Variants in NR2C2 observed in about 807,000 individuals in gnomAD.
NR2C2 encodes Nuclear hormone receptor TR4.
A neutral mutation model predicts 62.9 loss-of-function variants in NR2C2; 6 were observed. The observed-to-expected ratio is 0.10, with a 90% CI of 0.05 to 0.19. The LOEUF is 0.19. NR2C2 is among the 10% of genes least tolerant of loss of function. NR2C2 has a pLI of 1.00. For synonymous variants in NR2C2, 272 were observed against 273.8 expected, an observed-to-expected ratio of 0.99 and a Z score of 0.07; for missense variants, 479 against 762.7, an observed-to-expected ratio of 0.63 and a Z score of 4.38.
Position 15,043,106 on chromosome 3 carries a change from T to C in NR2C2, c.*98T>C. The C allele has an allele frequency of 8.6e-7, 1 of 1,160,882 alleles. No homozygotes were observed. The highest frequency in any genetic ancestry group is 2.1e-4 in the Middle Eastern group (1 of 4,770). 71.9% of individuals were successfully genotyped at this position (1,160,882 alleles called of 1,614,324 possible). A position where few individuals can be genotyped will look rare whatever the true frequency, so the allele number is the denominator to read the frequency against. On this transcript the variant is annotated 3_prime_UTR_variant, in exon 14 of 14. Coordinates refer to ENST00000425241, the MANE Select transcript of NR2C2 (RefSeq NM_001291694.2). ...ATTTTGGTATGTGCAAATATTTCCA[T>C]ATGTTAGCCATTTCCTGTCTGGTTT...
chr3:14,996,024 T>G (rs2040823819), intron 1 of NR2C2, among the ~76,000 whole-genome samples: 1 of 152,264 alleles, frequency 6.6e-6, no homozygotes. Context: ...GGTTTTTGTC[T>G]TCTTTTCATT....
intron 13 of NR2C2, among the ~76,000 whole-genome samples, chr3:15,041,694 A>C (rs1440195017): frequency 6.6e-6 from 1 of 152,060 alleles, no homozygotes; most frequent in East Asian, 1.9e-4. Context: ...TCTCTATGAC[A>C]AAAAAATGAA....
At chr3:15,040,054 C>T (rs1042096782) in intron 13 of NR2C2, among the ~76,000 whole-genome samples, 1 of 151,890 alleles carries the variant, frequency 6.6e-6, no homozygotes. Flanking sequence ...ACTGGGGAGG[C>T]TGAGGCAGGA....
At chr3:15,030,494 G>A (rs752513765) in intron 9 of NR2C2, 42 bp downstream of exon 9, 22 of 1,525,556 alleles carry the variant, frequency 1.4e-5, no homozygotes, top group Middle Eastern at 1.8e-4. Flanking sequence ...AACCTGCTGG[G>A]GGATAGGTTC....
At chr3:14,953,232 A>G (rs2039421833) in intron 1 of NR2C2, among the ~76,000 whole-genome samples, 1 of 152,216 alleles carries the variant, frequency 6.6e-6, no homozygotes, top group African/African-American at 2.4e-5. Flanking sequence ...AAGAGGCCTG[A>G]AGTCCTTTAA....
At chr3:15,011,616 T>C (rs540506519) in intron 2 of NR2C2, among the ~76,000 whole-genome samples, 7 of 152,348 alleles carry the variant, frequency 4.6e-5, no homozygotes, top group South Asian at 2.1e-4. Context: ...TTTCTTCCTT[T>C]CATTCCCTCC....
intron 1 of NR2C2, among the ~76,000 whole-genome samples, chr3:14,972,158 T>C (rs1310359132): frequency 6.6e-6 from 1 of 151,106 alleles, no homozygotes; most frequent in Non-Finnish European, 1.5e-5. Context: ...TCTCTCTTTT[T>C]TTTTTCTTTT....
At chr3:14,998,638 A>G (rs189915812) in intron 1 of NR2C2, among the ~76,000 whole-genome samples, 13 of 152,302 alleles carry the variant, frequency 8.5e-5, no homozygotes, top group African/African-American at 2.9e-4. Flanking sequence ...TTGTAATGAT[A>G]TATGATTTGC....
chr3:15,042,163 C>T (rs1198528264), intron 13 of NR2C2, among the ~76,000 whole-genome samples: 2 of 152,160 alleles, frequency 1.3e-5, no homozygotes, highest in Non-Finnish European at 2.9e-5. Flanking sequence ...GGCCTGGTCA[C>T]GTGGGACACT....
At chr3:14,981,819 T>C (rs950569340) in intron 1 of NR2C2, among the ~76,000 whole-genome samples, 1 of 152,036 alleles carries the variant, frequency 6.6e-6, no homozygotes, top group Admixed American at 6.5e-5. Flanking sequence ...GCTGAAAAAC[T>C]TGGAGTTCGA....
rs902610422 is a variant in NR2C2, at chr3:15,046,069, A to G, written c.*3061A>G. The G allele has an allele frequency of 1.3e-5, 2 of 152,240 alleles. No homozygotes were observed. The highest frequency in any genetic ancestry group is 4.8e-5 in the African/African-American group (2 of 41,464). 9.4% of individuals were successfully genotyped at this position (152,240 alleles called of 1,614,324 possible). On this transcript the variant is annotated 3_prime_UTR_variant, in exon 14 of 14. Transcript: ENST00000425241. ...TTAGTTGAGCAAGTAATACTTTTCA[A>G]GTTACTCCTGGAAGGTGTTTTTAAG...
chr3:15,037,209 T>TTGTG lies in NR2C2; in HGVS notation c.1373-763_1373-760dup, dbSNP rs373045181. 3.8e-3 allele frequency among the ~76,000 whole-genome samples: 494 copies of TTGTG among 130,286 alleles called. 1 individual carries two copies. Among genetic ancestry groups the TTGTG allele is most frequent in the East Asian group, 0.02 (102 of 5,020 alleles). The allele number at this position is 130,286 out of a possible 152,430, so 85.5% of individuals were successfully genotyped here. On this transcript the variant is annotated intron_variant, in intron 11 of 13. Transcript: ENST00000425241. ...TTTTTGTTGTGTTATTGTTTTTTGT[T>TTGTG]TGTGTGTGTGTGTGTGTGTGTGTGT...
intron 13 of NR2C2, among the ~76,000 whole-genome samples, chr3:15,041,186 A>G (rs1002779408): frequency 1.3e-5 from 2 of 152,146 alleles, no homozygotes; most frequent in African/African-American, 4.8e-5. Context: ...CTGTTTGCAT[A>G]TTCATTTTTT....
rs1223814932 is a variant in NR2C2 at position 15,043,700 on chromosome 3, T to G, written c.*692T>G. ...GGTAGCACAGTCGGTGGTGACCCAG[T>G]TCAGAAGCTTCTAGCCATAGAGCAG... On this transcript the variant is annotated 3_prime_UTR_variant, in exon 14 of 14. Transcript: ENST00000425241. The G allele has an allele frequency of 6.6e-6, 1 of 152,332 alleles. No individual in the cohort carries two copies. The highest frequency in any genetic ancestry group is 2.4e-5 in the African/African-American group (1 of 41,470). The allele number at this position is 152,332 out of a possible 1,614,324, so 9.4% of individuals were successfully genotyped here.
rs371460984 is a variant in NR2C2 at position 14,973,211 on chromosome 3, A to C, written c.-40+25305A>C. Among the ~76,000 whole-genome samples, 19 of 152,100 alleles carry C rather than the reference A, an allele frequency of 1.2e-4. No individual in the cohort carries two copies. In the East Asian group the frequency reaches 3.3e-3, roughly 26 times the overall value. Reference sequence around the variant, plus strand: ...TAATCAAGAAATTATCGCCAAGTCCAATGTCATGAAGATTTTCCTCTATGA... The same window carrying C: ...TAATCAAGAAATTATCGCCAAGTCCCATGTCATGAAGATTTTCCTCTATGA... On this transcript the variant is annotated intron_variant, in intron 1 of 13. Coordinates refer to ENST00000425241, the MANE Select transcript of NR2C2 (RefSeq NM_001291694.2).
At chr3:15,022,797 G>A (rs562655190) in intron 5 of NR2C2, among the ~76,000 whole-genome samples, 15 of 152,284 alleles carry the variant, frequency 9.9e-5, no homozygotes, top group African/African-American at 3.1e-4. Context: ...AGGCTGGGGC[G>A]AGTGGTTTGC....
In NR2C2 at chr3:15,032,370, C is replaced by G. The variant is rs1388786574; in HGVS notation, c.1111-9C>G. On this transcript the variant is annotated splice_polypyrimidine_tract_variant and intron_variant, in intron 9 of 13. Transcript: ENST00000425241. ...TCACCTCCTGTGCCATGTGCCTCCTCTTTTCCAGCTAACAATGCCCAGTCC... is the reference window on the plus strand; with the variant it reads ...TCACCTCCTGTGCCATGTGCCTCCTGTTTTCCAGCTAACAATGCCCAGTCC... 13 of 1,614,114 alleles carry G rather than the reference C, an allele frequency of 8.1e-6. No individual in the cohort carries two copies. Among genetic ancestry groups the G allele is most frequent in the Non-Finnish European group, 9.3e-6 (11 of 1,180,040 alleles).
chr3:14,965,640 GT>G lies in NR2C2; in HGVS notation c.-40+17742del, dbSNP rs35204246. 5.0e-3 allele frequency among the ~76,000 whole-genome samples: 751 copies of G among 149,522 alleles called. 11 individuals carry two copies. Among genetic ancestry groups the G allele is most frequent in the African/African-American group, 0.017 (700 of 40,272 alleles). On this transcript the variant is annotated intron_variant, in intron 1 of 13. Transcript: ENST00000425241. ...AAAATATTTCCTAGATTTCCTTGCT[GT>G]TTTTTTTGTTTGTTTGTTTTTGTTT...
intron 13 of NR2C2, among the ~76,000 whole-genome samples, chr3:15,040,424 AC>A (rs2042225010): frequency 6.6e-6 from 1 of 152,232 alleles, no homozygotes; most frequent in African/African-American, 2.4e-5. Flanking sequence ...CTGGGAAGAC[AC>A]ACAGGCCCAC....
Sources: allele counts gnomAD v4.1 joint callset (sites outside exome capture counted in the v4.1 genomes callset), GRCh38; gene constraint gnomAD v4.1.1; transcripts MANE v1.5; gene names NCBI Gene and HGNC (gene_info 2026-07-23, HGNC 2026-07-21).